Variants in COL25A1 observed in about 807,000 individuals in gnomAD.
COL25A1 encodes the protein collagen alpha-1(XXV) chain.
Under a neutral mutation model 128.4 loss-of-function variants are expected in COL25A1, and 103 were observed. The observed-to-expected ratio is 0.80, with a 90% CI of 0.68 to 0.94. COL25A1 has a LOEUF of 0.94. Ranked by LOEUF, COL25A1 falls within the 40% of genes least tolerant of loss-of-function variation. The pLI is 0.00. For synonymous variants in COL25A1, 279 were observed against 277.2 expected, an observed-to-expected ratio of 1.01 and a Z score of -0.06; for missense variants, 745 against 840.0, an observed-to-expected ratio of 0.89 and a Z score of 1.40.
intron 11 of COL25A1, among the ~76,000 whole-genome samples, chr4:108,922,614 A>G (rs941530940): frequency 5.3e-5 from 8 of 152,326 alleles, no homozygotes; most frequent in Middle Eastern, 6.8e-3. Context: ...GGTCTGTTGC[A>G]TAATCACACA....
chr4:108,862,865 C>G (rs1442171577), intron 21 of COL25A1, among the ~76,000 whole-genome samples: 1 of 152,122 alleles, frequency 6.6e-6, no homozygotes, highest in Non-Finnish European at 1.5e-5. Flanking sequence ...TAAATAGTTT[C>G]CTGTGTCTCT....
At chr4:108,845,094 T>C in intron 29 of COL25A1, 95 bp downstream of exon 29, 1 of 1,033,982 alleles carries the variant, frequency 9.7e-7, no homozygotes, top group Non-Finnish European at 1.5e-6. Flanking sequence ...CTGTCTACTG[T>C]TGTGCAGCCA....
intron 3 of COL25A1, among the ~76,000 whole-genome samples, chr4:109,127,773 A>C (rs1768768322): frequency 6.6e-6 from 1 of 152,192 alleles, no homozygotes; most frequent in Admixed American, 6.5e-5. Context: ...GGCGTGAGAC[A>C]ACGAACCTCG....
At chr4:109,184,491 G>C (rs1774962271) in intron 3 of COL25A1, among the ~76,000 whole-genome samples, 1 of 152,142 alleles carries the variant, frequency 6.6e-6, no homozygotes, top group Admixed American at 6.5e-5. Flanking sequence ...GGCTGCACTG[G>C]CTCCTAGTGT....
chr4:109,090,699 T>C (rs940611355), intron 3 of COL25A1, among the ~76,000 whole-genome samples: 6 of 150,112 alleles, frequency 4.0e-5, no homozygotes, highest in African/African-American at 1.4e-4. Context: ...GAATGCCAAC[T>C]GGAATATTAT....
chr4:109,061,524 T>C (rs746365983), intron 3 of COL25A1, among the ~76,000 whole-genome samples: 40 of 152,340 alleles, frequency 2.6e-4, no homozygotes, highest in South Asian at 2.3e-3. Context: ...TATTTGGAAA[T>C]GTCATGCATA....
intron 16 of COL25A1, among the ~76,000 whole-genome samples, chr4:108,892,422 G>T (rs1405164): frequency 0.5 from 76,016 of 152,036 alleles, 21,033 homozygotes; most frequent in East Asian, 0.93. Flanking sequence ...TATATGAAGT[G>T]AATGTAGTGA....
At chr4:109,174,590 G>C (rs1305964544) in intron 3 of COL25A1, among the ~76,000 whole-genome samples, 1 of 152,102 alleles carries the variant, frequency 6.6e-6, no homozygotes, top group Admixed American at 6.5e-5. Context: ...AGGGCATATG[G>C]AGTCCTCCTC....
intron 3 of COL25A1, among the ~76,000 whole-genome samples, chr4:109,280,189 C>G (rs1013078867): frequency 6.6e-6 from 1 of 152,160 alleles, no homozygotes; most frequent in African/African-American, 2.4e-5. Flanking sequence ...TCCTGATCAC[C>G]AGTGTGCATT....
chr4:109,051,924 G>A (rs1200482704), intron 3 of COL25A1, among the ~76,000 whole-genome samples: 3 of 125,456 alleles, frequency 2.4e-5, no homozygotes, highest in African/African-American at 1.0e-4. Flanking sequence ...AATATTCAAA[G>A]ATTAAAAAAA....
chr4:109,039,156 C>A (rs538984903), intron 5 of COL25A1, among the ~76,000 whole-genome samples: 1 of 152,242 alleles, frequency 6.6e-6, no homozygotes, highest in South Asian at 2.1e-4. Flanking sequence ...TTAGCTGCAA[C>A]AATACCCTAA....
At chr4:108,917,137 G>A (rs564861845) in intron 13 of COL25A1, among the ~76,000 whole-genome samples, 2 of 152,242 alleles carry the variant, frequency 1.3e-5, no homozygotes, top group African/African-American at 2.4e-5. Flanking sequence ...GAATTCCAAG[G>A]ACTTTGCCAA....
intron 31 of COL25A1, among the ~76,000 whole-genome samples, chr4:108,841,253 G>A (rs563094388): frequency 1.3e-5 from 2 of 152,198 alleles, no homozygotes; most frequent in East Asian, 3.9e-4. Context: ...AATGACCTCT[G>A]GGCGAGTACA....
At chr4:109,059,193 T>G (rs1761719200) in intron 3 of COL25A1, among the ~76,000 whole-genome samples, 1 of 152,226 alleles carries the variant, frequency 6.6e-6, no homozygotes, top group African/African-American at 2.4e-5. Context: ...CTAAGCACTG[T>G]ACATGCTTGG....
At chr4:109,209,694 A>G (rs1208230009) in intron 3 of COL25A1, among the ~76,000 whole-genome samples, 2 of 152,248 alleles carry the variant, frequency 1.3e-5, no homozygotes, top group Admixed American at 1.3e-4. Flanking sequence ...CACAGAAAGG[A>G]GTATATAATG....
chr4:109,063,935 T>A (rs1395259053), intron 3 of COL25A1, among the ~76,000 whole-genome samples: 2 of 152,232 alleles, frequency 1.3e-5, no homozygotes, highest in Non-Finnish European at 2.9e-5. Flanking sequence ...GGGAAGCCAA[T>A]TATGAGTCTC....
Position 108,824,243 on chromosome 4 carries a change from C to A in COL25A1, c.1792-16G>T, listed in dbSNP as rs58780330. The stretch of plus-strand genomic sequence containing the variant: ...CAGGGAAGCCCTGTAAGATAAAAAG[C>A]AAACCAAAAAGATCTATTGGTGTAA... On this transcript the variant is annotated splice_polypyrimidine_tract_variant and intron_variant, in intron 34 of 37. Transcript: ENST00000399132. 2,351 of 1,579,980 alleles carry A rather than the reference C, an allele frequency of 1.5e-3. 40 individuals are homozygous for A. The African/African-American group carries it at 0.029, about 20-fold the overall frequency.
intron 6 of COL25A1, among the ~76,000 whole-genome samples, chr4:108,999,701 G>C (rs1755160185): frequency 6.6e-6 from 1 of 152,148 alleles, no homozygotes; most frequent in Non-Finnish European, 1.5e-5. Flanking sequence ...CAATAGCAAA[G>C]ACTTGGACCC....
intron 3 of COL25A1, among the ~76,000 whole-genome samples, chr4:109,274,580 T>C (rs1191140508): frequency 6.6e-6 from 1 of 152,188 alleles, no homozygotes; most frequent in African/African-American, 2.4e-5. Flanking sequence ...ATAAACACTT[T>C]AAAATGCTAA....
Sources: allele counts gnomAD v4.1 joint callset (sites outside exome capture counted in the v4.1 genomes callset), GRCh38; gene constraint gnomAD v4.1.1; transcripts MANE v1.5; gene names NCBI Gene and HGNC (gene_info 2026-07-23, HGNC 2026-07-21).